The following DCHS2 variants were observed in gnomAD, a reference collection of about 807,000 sequenced individuals.
DCHS2 encodes the protein dachsous cadherin-related 2, also known as protocadherin-23.
In DCHS2, 142 loss-of-function variants were observed where a neutral mutation model predicts 182.4. That is an observed-to-expected ratio of 0.78 (90% confidence interval 0.68 to 0.89). The LOEUF (loss-of-function observed/expected upper bound fraction) is 0.89. Among genes scored for constraint, DCHS2 ranks in the 40% least tolerant of loss-of-function variants. The probability of loss-of-function intolerance (pLI) is 0.00; values close to 1 mark genes in which losing one functional copy is unlikely to be tolerated. For synonymous variants in DCHS2, 1,740 were observed against 1,663.3 expected (o/e 1.05, Z -1.12); for missense variants, 4,319 against 4,198.6 (o/e 1.03, Z -0.79).
At chr4:154,242,821 G>T in intron 16 of DCHS2, 49 bp from the exon 17 acceptor site, 1 of 1,551,400 alleles carries the variant, frequency 6.4e-7, no homozygotes, top group South Asian at 1.2e-5. Context: ...CCAGGAATTA[G>T]AAAAACAACA....
intron 14 of DCHS2, among the ~76,000 whole-genome samples, chr4:154,263,394 A>G (rs1261546449): frequency 6.6e-6 from 1 of 151,994 alleles, no homozygotes; most frequent in Non-Finnish European, 1.5e-5. Flanking sequence ...ATGCATAGAC[A>G]TATATGTGTA....
At chr4:154,428,471 C>T (rs1488518280) in intron 1 of DCHS2, among the ~76,000 whole-genome samples, 3 of 151,316 alleles carry the variant, frequency 2.0e-5, no homozygotes, top group East Asian at 3.9e-4. Flanking sequence ...TCTAGGAGTT[C>T]GAGGCTGCAG....
intron 7 of DCHS2, among the ~76,000 whole-genome samples, chr4:154,325,839 A>G (rs988179648): frequency 4.6e-5 from 7 of 152,362 alleles, no homozygotes; most frequent in African/African-American, 1.2e-4. Flanking sequence ...AGAACTGCAT[A>G]TGTAACTTTT....
At chr4:154,362,195 A>G (rs1400640955) in intron 3 of DCHS2, among the ~76,000 whole-genome samples, 1 of 152,190 alleles carries the variant, frequency 6.6e-6, no homozygotes, top group Admixed American at 6.5e-5. Flanking sequence ...GAATAGAAAA[A>G]TCCAGAGACA....
At chr4:154,487,054 CA>C (rs2111048225) in intron 1 of DCHS2, among the ~76,000 whole-genome samples, 1 of 152,236 alleles carries the variant, frequency 6.6e-6, no homozygotes, top group Non-Finnish European at 1.5e-5. Context: ...ATGATAGAAA[CA>C]ACTCTAAAGA....
intron 2 of DCHS2, among the ~76,000 whole-genome samples, chr4:154,370,170 A>C (rs1368392081): frequency 6.6e-6 from 1 of 152,192 alleles, no homozygotes; most frequent in Non-Finnish European, 1.5e-5. Context: ...AAAAAAAGAA[A>C]CATAAGTTGT....
In DCHS2 at chr4:154,236,962, C is replaced by A; in HGVS notation, c.7690G>T (p.Val2564Phe). ...GAAAATGTAACAAGCGTGCTTCCAA[C>A]CAGAGCATCCTCACTTAGGCTAAGA... ...YNLSLSEDAL[V>F]GSTLVTFSNI... The change falls in exon 20 of 20, where the codon GTT becomes TTT. Residue 2564 changes from valine to phenylalanine, a missense_variant. Physicochemically the swap from Val to Phe is conservative, Grantham distance 50. Transcript: ENST00000357232. The A allele has an allele frequency of 6.2e-7, 1 of 1,614,042 alleles. No individual in the cohort carries two copies. The highest frequency in any genetic ancestry group is 8.5e-7 in the Non-Finnish European group (1 of 1,179,952).
intron 1 of DCHS2, among the ~76,000 whole-genome samples, chr4:154,481,570 T>C (rs1200510346): frequency 6.6e-6 from 1 of 152,198 alleles, no homozygotes; most frequent in Non-Finnish European, 1.5e-5. Context: ...CGTTTCTTTT[T>C]CTCACTCTCT....
At chr4:154,245,557 GA>G (rs542054798) in intron 16 of DCHS2, among the ~76,000 whole-genome samples, 113 of 147,494 alleles carry the variant, frequency 7.7e-4, no homozygotes, top group Middle Eastern at 3.5e-3. Flanking sequence ...CTGAAATTCT[GA>G]AAAAAAAAAT....
chr4:154,417,041 C>T (rs1732862387), intron 1 of DCHS2, among the ~76,000 whole-genome samples: 1 of 152,136 alleles, frequency 6.6e-6, no homozygotes, highest in Non-Finnish European at 1.5e-5. Context: ...TTACTAGGAG[C>T]TGCAACTACA....
rs764894949 is a variant in DCHS2, at chr4:154,320,495, C to T, written c.4904G>A (p.Gly1635Asp). 1.2e-5 allele frequency: 20 copies of T among 1,613,982 alleles called. No individual in the cohort carries two copies. Among genetic ancestry groups the T allele is most frequent in the Non-Finnish European group, 1.4e-5 (17 of 1,180,018 alleles). Residue 1635 changes from glycine to aspartate, a missense_variant, in exon 9 of 20, where the codon GGC becomes GAC. Coordinates refer to ENST00000357232, the MANE Select transcript of DCHS2 (RefSeq NM_001358235.2). ...NAHVKEDVTV[G>D]SLVHHITAHD... Reference sequence around the variant, plus strand: ...AGCAGTTATGTGGTGGACCAAGGAGCCCACTGTGACATCCTCTTTGACATG... The same window carrying T: ...AGCAGTTATGTGGTGGACCAAGGAGTCCACTGTGACATCCTCTTTGACATG...
chr4:154,489,808 G>A lies in DCHS2; in HGVS notation c.1548C>T (p.Ser516=). The A allele has an allele frequency of 1.3e-6, 2 of 1,551,558 alleles. No homozygotes were observed. Among genetic ancestry groups the A allele is most frequent in the Non-Finnish European group, 1.7e-6 (2 of 1,146,944 alleles). ...GCGTCTCCTCCGTGCTCAGCGGCGG[G>A]GACCCCGCGTCCGTGGCCACCAGTA... ...ELLLVATDAG[S]PPLSTEETLL... The change falls in exon 1 of 20, where the codon TCC becomes TCT. Residue 516 remains serine (S), a synonymous_variant. Transcript: ENST00000357232.
In DCHS2 at chr4:154,285,363, G is replaced by C. The variant is rs1734346763; in HGVS notation, c.6463+12488C>G. ...AGAGAAAAAGAGAGGGAAGGGGAAA[G>C]GGGACTTTGTCTTGCAGTTTAGGTA... On this transcript the variant is annotated intron_variant, in intron 13 of 19. Coordinates refer to ENST00000357232, the MANE Select transcript of DCHS2 (RefSeq NM_001358235.2). 2.6e-5 allele frequency among the ~76,000 whole-genome samples: 4 copies of C among 152,120 alleles called. No individual in the cohort carries two copies. The South Asian group carries it at 8.3e-4, about 31-fold the overall frequency.
chr4:154,235,122 C>T lies in DCHS2; in HGVS notation c.9530G>A (p.Cys3177Tyr). ...CTGGGGTAACACATTATTTTGAGCA[C>T]AGGTGGTGCTGCAGCCTTCCCCTTG... ...GDQGEGCSTT[C>Y]AQNNVLPQTV... Residue 3177 changes from cysteine to tyrosine, a missense_variant, in exon 20 of 20, where the codon TGT (cysteine) becomes TAT (tyrosine). Physicochemically the swap from Cys to Tyr is radical, Grantham distance 194 (BLOSUM62 -2). Coordinates refer to ENST00000357232, the MANE Select transcript of DCHS2 (RefSeq NM_001358235.2). The T allele has an allele frequency of 6.2e-7, 1 of 1,613,984 alleles. No homozygotes were observed. The highest frequency in any genetic ancestry group is 8.5e-7 in the Non-Finnish European group (1 of 1,179,956).
At chr4:154,257,478 C>T (rs1560989524) in intron 15 of DCHS2, among the ~76,000 whole-genome samples, 1 of 152,112 alleles carries the variant, frequency 6.6e-6, no homozygotes, top group Non-Finnish European at 1.5e-5. Flanking sequence ...TGTCCCTTCA[C>T]CGAAGATTCA....
intron 9 of DCHS2, among the ~76,000 whole-genome samples, chr4:154,319,111 A>C (rs1004386778): frequency 6.6e-6 from 1 of 152,186 alleles, no homozygotes; most frequent in South Asian, 2.1e-4. Flanking sequence ...AATCTCTTCA[A>C]CAAATGATGT....
At chr4:154,410,535 C>A (rs1732585143) in intron 1 of DCHS2, among the ~76,000 whole-genome samples, 1 of 126,852 alleles carries the variant, frequency 7.9e-6, no homozygotes, top group African/African-American at 3.1e-5. Context: ...GTGGCTCACA[C>A]CTGTAATCCC....
intron 1 of DCHS2, among the ~76,000 whole-genome samples, chr4:154,403,324 A>AT (rs1732268476): frequency 6.6e-6 from 1 of 152,094 alleles, no homozygotes; most frequent in African/African-American, 2.4e-5. Context: ...ATTAGGTCCT[A>AT]TTTTCAGTTT....
rs547704914 is a variant in DCHS2, at chr4:154,246,326, C to T, written c.6942-3554G>A. Among the ~76,000 whole-genome samples the T allele has an allele frequency of 3.9e-5, 6 of 152,276 alleles. No homozygotes were observed. In the South Asian group the frequency reaches 1.0e-3, roughly 26 times the overall value. On this transcript the variant is annotated intron_variant, in intron 16 of 19. Transcript: ENST00000357232. ...ACTTGGGGTTAGTAATATTGAAAGA[C>T]CTTCTCTGGAGAACTGAAAGTCCCC...
Sources: allele counts gnomAD v4.1 joint callset (sites outside exome capture counted in the v4.1 genomes callset), GRCh38; gene constraint gnomAD v4.1.1; transcripts MANE v1.5; gene names NCBI Gene and HGNC (gene_info 2026-07-23, HGNC 2026-07-21).